SLC6A12: variants seen among roughly 807,000 people sequenced by gnomAD.
SLC6A12 encodes the protein sodium- and chloride-dependent betaine transporter.
A neutral mutation model predicts 73.3 loss-of-function variants in SLC6A12; 50 were observed. The ratio of observed to expected loss-of-function variants is 0.68; its 90% CI spans 0.54 to 0.86. The LOEUF is 0.86. Ranked by LOEUF, SLC6A12 falls within the 40% of genes least tolerant of loss-of-function variation. The probability of loss-of-function intolerance (pLI) is 0.00; values close to 1 mark genes in which losing one functional copy is unlikely to be tolerated. For missense variants in SLC6A12, 648 were observed against 772.8 expected (o/e 0.84, Z 1.92); for synonymous variants, 304 against 309.2 (o/e 0.98, Z 0.18).
At chr12:209,346 C>T (rs7315381) in intron 3 of SLC6A12, among the ~76,000 whole-genome samples, 3,109 of 152,324 alleles carry the variant, frequency 0.02, 84 homozygotes, top group African/African-American at 0.06. Context: ...CCGCAACCTG[C>T]CGCAGACACA....
chr12:193,801 C>T (rs761777369), intron 13 of SLC6A12, among the ~76,000 whole-genome samples: 1 of 152,200 alleles, frequency 6.6e-6, no homozygotes, highest in Non-Finnish European at 1.5e-5. Context: ...TCATAGAAAA[C>T]TCATAGAGGG....
intron 4 of SLC6A12, among the ~76,000 whole-genome samples, 154 bp from the exon 5 acceptor site, chr12:203,034 C>T (rs216251): frequency 0.5 from 73,241 of 147,044 alleles, 18,576 homozygotes; most frequent in African/African-American, 0.6. Flanking sequence ...CCATTCATAG[C>T]ATATTTTTCT....
rs113213754 is a variant in SLC6A12, at chr12:199,939, C to G, written c.711+712G>C. Reference sequence around the variant, plus strand: ...AAGTGAGTCATAAGAGCGTGTGATCCTAATGATGTCATAGCCACACATAAT... The same window carrying G: ...AAGTGAGTCATAAGAGCGTGTGATCGTAATGATGTCATAGCCACACATAAT... On this transcript the variant is annotated intron_variant, in intron 7 of 15. Transcript: ENST00000684302. Among the ~76,000 whole-genome samples the G allele has an allele frequency of 2.6e-3, 401 of 152,186 alleles. 2 individuals carry two copies. Among genetic ancestry groups the G allele is most frequent in the African/African-American group, 9.3e-3 (384 of 41,504 alleles).
downstream of SLC6A12, among the ~76,000 whole-genome samples, chr12:185,571 A>G (rs1300124248): frequency 1.3e-5 from 2 of 152,236 alleles, no homozygotes; most frequent in Non-Finnish European, 2.9e-5. Flanking sequence ...GACTCTTGTT[A>G]TAGCCACAGG....
chr12:187,138 C>A (rs1939445402), downstream of SLC6A12, among the ~76,000 whole-genome samples: 1 of 152,022 alleles, frequency 6.6e-6, no homozygotes, highest in Non-Finnish European at 1.5e-5. Context: ...TTTTTCATGC[C>A]ACACTGGCCA....
chr12:213,056 G>A lies in SLC6A12; in HGVS notation c.-143+866C>T, dbSNP rs146698589. On this transcript the variant is annotated intron_variant, in intron 1 of 15. Coordinates refer to ENST00000684302, the MANE Select transcript of SLC6A12 (RefSeq NM_001122848.3). This position sits in a 1 kb window ranked among gnomAD's most constrained non-coding sequence, Gnocchi z 5.3. ...TCAGGAGCTGGGCATGTCGCCAGAG[G>A]CCCAGCTGGGGCTAGCAGAGGTGCA... Among the ~76,000 whole-genome samples, 409 of 152,324 alleles carry A rather than the reference G, an allele frequency of 2.7e-3. 1 individual carries two copies. The highest frequency in any genetic ancestry group is 9.2e-3 in the African/African-American group (384 of 41,574).
downstream of SLC6A12, among the ~76,000 whole-genome samples, chr12:188,591 T>C (rs1939487235): frequency 6.6e-6 from 1 of 152,136 alleles, no homozygotes; most frequent in Non-Finnish European, 1.5e-5. Flanking sequence ...GAGCGAGGGC[T>C]GTGAGGGCTG....
downstream of SLC6A12, among the ~76,000 whole-genome samples, chr12:188,871 C>T (rs922135073): frequency 6.6e-6 from 1 of 152,198 alleles, no homozygotes; most frequent in Non-Finnish European, 1.5e-5. Context: ...TCCCCGTTCC[C>T]TCCATCCCCA....
downstream of SLC6A12, among the ~76,000 whole-genome samples, chr12:187,414 C>T (rs185829031): frequency 8.6e-4 from 131 of 151,768 alleles, 1 homozygote; most frequent in African/African-American, 3.0e-3. Flanking sequence ...CGGACCTTCG[C>T]GATGAGTGCT....
Position 200,323 on chromosome 12 carries a change from T to A in SLC6A12, c.711+328A>T, listed in dbSNP as rs530325710. On this transcript the variant is annotated intron_variant, in intron 7 of 15. Transcript: ENST00000684302. ...CGGGGTTTTACCGTGTTAGCCAGGA[T>A]GGTCTCGATCTCCTGACCTCGTGAT... Among the ~76,000 whole-genome samples, 7 of 152,004 alleles carry A rather than the reference T, an allele frequency of 4.6e-5. No homozygotes were observed. The East Asian group carries it at 1.4e-3, about 29-fold the overall frequency.
Position 197,196 on chromosome 12 carries a change from T to TCTA in SLC6A12, c.1075+180_1075+181insTAG, listed in dbSNP as rs1481103855. ...ATCCATCCATCCATCCATCCATCCATTCATCCATCCATGGAAGCCCTGCTT... is the reference window on the plus strand; with the variant it reads ...ATCCATCCATCCATCCATCCATCCATCTATCATCCATCCATGGAAGCCCTGCTT... On this transcript the variant is annotated intron_variant, in intron 10 of 15. Transcript: ENST00000684302. Among the ~76,000 whole-genome samples, 59 of 122,068 alleles carry TCTA rather than the reference T, an allele frequency of 4.8e-4. 2 individuals carry two copies. The highest frequency in any genetic ancestry group is 1.0e-3 in the South Asian group (4 of 3,904). The allele number at this position is 122,068 out of a possible 152,430, so 80.1% of individuals were successfully genotyped here.
intron 7 of SLC6A12, among the ~76,000 whole-genome samples, 194 bp downstream of exon 7, chr12:200,457 G>A (rs1940194508): frequency 6.6e-6 from 1 of 152,200 alleles, no homozygotes; most frequent in Non-Finnish European, 1.5e-5. Context: ...TATTGAAAAA[G>A]AAAGACTTTC....
intron 2 of SLC6A12, 47 bp from the exon 3 acceptor site, chr12:210,090 C>T (rs1940842748): frequency 1.3e-6 from 2 of 1,497,096 alleles, no homozygotes; most frequent in Admixed American, 2.1e-5. Context: ...CATGCTCCCG[C>T]CAGCCCTGCT....
At position 196,865 on chromosome 12, in the gene SLC6A12, T is replaced by C. The variant is rs774963088; in HGVS notation, c.1093A>G (p.Ile365Val). ...VAESGPGLAF[I>V]AFPKAVTMMP... ...ATAGTCACAGCCTTGGGGAAGGCGA[T>C]GAAGGCCAGCCCAGGACCTGCCAGG... is the stretch of plus-strand genomic sequence containing the variant. The change falls in exon 11 of 16, where the codon ATC becomes GTC. Residue 365 changes from isoleucine (I) to valine (V), a missense_variant. Ile to Val is a conservative substitution (Grantham distance 29). Transcript: ENST00000684302. 5.0e-6 allele frequency: 8 copies of C among 1,613,768 alleles called. No individual in the cohort carries two copies. Among genetic ancestry groups the C allele is most frequent in the Middle Eastern group, 3.3e-4 (2 of 6,042 alleles).
chr12:195,744 AG>A (rs1249447094), intron 12 of SLC6A12, among the ~76,000 whole-genome samples: 3 of 152,252 alleles, frequency 2.0e-5, no homozygotes, highest in African/African-American at 7.2e-5. Flanking sequence ...GTAAGCCTGA[AG>A]CCCAGCATCC....
At position 213,221 on chromosome 12, in the gene SLC6A12, A is replaced by G. The variant is rs900027933; in HGVS notation, c.-143+701T>C. The G allele has an allele frequency of 1.3e-5, 2 of 152,576 alleles. No homozygotes were observed. The highest frequency in any genetic ancestry group is 4.8e-5 in the African/African-American group (2 of 41,420). The allele number at this position is 152,576 out of a possible 1,614,324, so 9.5% of individuals were successfully genotyped here. A position where few individuals can be genotyped will look rare whatever the true frequency, so the allele number is the denominator to read the frequency against. ...CCAGCCCCTGCTTCAGTCCACACCC[A>G]CATACCAACACCCATTCCCATACAC... On this transcript the variant is annotated intron_variant, in intron 1 of 15. Coordinates refer to ENST00000684302, the MANE Select transcript of SLC6A12 (RefSeq NM_001122848.3). The surrounding 1 kb of genome is among the most constrained non-coding windows in gnomAD (Gnocchi z 5.3).
At chr12:187,648 C>A (rs1025767898), downstream of SLC6A12, among the ~76,000 whole-genome samples, 2 of 137,468 alleles carry the variant, frequency 1.5e-5, no homozygotes, top group Admixed American at 7.3e-5. Flanking sequence ...ACACACACAG[C>A]ACCCACTGCA....
At chr12:206,858 G>T (rs770737008) in intron 3 of SLC6A12, among the ~76,000 whole-genome samples, 14 of 152,260 alleles carry the variant, frequency 9.2e-5, no homozygotes, top group Non-Finnish European at 1.8e-4. Flanking sequence ...ATGTCTGTCA[G>T]GGCGTGTGGC....
Position 200,522 on chromosome 12 carries a change from T to A in SLC6A12, c.711+129A>T, listed in dbSNP as rs952069730. On this transcript the variant is annotated intron_variant, in intron 7 of 15. Coordinates refer to ENST00000684302, the MANE Select transcript of SLC6A12 (RefSeq NM_001122848.3). ...TGGCTCCCCCTGTTCTCACTAGGCA[T>A]CTCCCCTGCCCTGCTCAGGAAGTGT... 4.1e-6 allele frequency: 4 copies of A among 972,506 alleles called. No individual in the cohort carries two copies. In the Admixed American group the frequency reaches 9.7e-5, roughly 24 times the overall value. The allele number at this position is 972,506 out of a possible 1,614,324, so 60.2% of individuals were successfully genotyped here.
Sources: allele counts gnomAD v4.1 joint callset (sites outside exome capture counted in the v4.1 genomes callset), GRCh38; gene constraint gnomAD v4.1.1; non-coding constraint Gnocchi (gnomAD v3.1); transcripts MANE v1.5; gene names NCBI Gene and HGNC (gene_info 2026-07-23, HGNC 2026-07-21).